Variants in SLIT2 observed in about 807,000 individuals in gnomAD.
SLIT2 encodes the protein slit homolog 2 protein.
A neutral mutation model predicts 185.7 loss-of-function variants in SLIT2; 41 were observed. The observed-to-expected ratio is 0.22, with a 90% CI of 0.17 to 0.29. The LOEUF is 0.29. Among genes scored for constraint, SLIT2 ranks in the 10% least tolerant of loss-of-function variants. SLIT2 has a pLI of 1.00. For synonymous variants in SLIT2, 693 were observed against 680.2 expected (o/e 1.02, Z -0.29); for missense variants, 1,571 against 1,909.0 (o/e 0.82, Z 3.30).
intron 26 of SLIT2, among the ~76,000 whole-genome samples, chr4:20,566,669 A>AT (rs1560200456): frequency 6.6e-6 from 1 of 152,026 alleles, no homozygotes. Context: ...AAACCGAATC[A>AT]AAAGGAAATG....
At chr4:20,423,386 G>T (rs1426249769) in intron 4 of SLIT2, among the ~76,000 whole-genome samples, 2 of 147,618 alleles carry the variant, frequency 1.4e-5, no homozygotes, top group Non-Finnish European at 3.0e-5. Context: ...CCAAAGTAAA[G>T]AACTTATTAA....
intron 4 of SLIT2, among the ~76,000 whole-genome samples, chr4:20,464,288 T>A (rs1362010178): frequency 6.6e-6 from 1 of 152,160 alleles, no homozygotes; most frequent in African/African-American, 2.4e-5. Context: ...GCCAGTTTAG[T>A]TAATCTAAGG....
chr4:20,473,077 A>G (rs1299165267), intron 5 of SLIT2, among the ~76,000 whole-genome samples: 2 of 151,948 alleles, frequency 1.3e-5, no homozygotes, highest in Admixed American at 1.3e-4. Context: ...CAAAAAGGAC[A>G]TATTTTAAAT....
intron 4 of SLIT2, among the ~76,000 whole-genome samples, chr4:20,336,624 TA>T (rs1720520866): frequency 6.6e-6 from 1 of 152,116 alleles, no homozygotes; most frequent in Admixed American, 6.5e-5. Flanking sequence ...GGCACATGTA[TA>T]CATATGTAAC....
Position 20,539,408 on chromosome 4 carries a change from G to A in SLIT2, c.1833-33G>A, listed in dbSNP as rs778002156. On this transcript the variant is annotated intron_variant, in intron 18 of 36. Transcript: ENST00000504154. ...GGCAAAATTGATTGCCTGATGCTTTGTCTCCATAACAATGTCCTTTTTTTC... is the reference window on the plus strand; with the variant it reads ...GGCAAAATTGATTGCCTGATGCTTTATCTCCATAACAATGTCCTTTTTTTC... 3 of 1,591,388 alleles carry A rather than the reference G, an allele frequency of 1.9e-6. No individual in the cohort carries two copies. The South Asian group carries it at 3.5e-5, about 18-fold the overall frequency.
chr4:20,324,659 G>C (rs556840252), intron 4 of SLIT2, among the ~76,000 whole-genome samples: 1 of 152,128 alleles, frequency 6.6e-6, no homozygotes, highest in East Asian at 1.9e-4. Context: ...ATAACTATGT[G>C]ATGTAGTTCG....
chr4:20,358,592 C>T (rs977370113), intron 4 of SLIT2, among the ~76,000 whole-genome samples: 2 of 152,042 alleles, frequency 1.3e-5, no homozygotes, highest in Non-Finnish European at 2.9e-5. Flanking sequence ...AGGTGCTTTA[C>T]ATATTTTATC....
intron 30 of SLIT2, among the ~76,000 whole-genome samples, chr4:20,593,273 G>A (rs544105306): frequency 6.6e-6 from 1 of 152,152 alleles, no homozygotes; most frequent in Non-Finnish European, 1.5e-5. Context: ...AACCTGTGAG[G>A]TGGAATTATA....
chr4:20,600,591 CT>C (rs545279776), intron 33 of SLIT2, among the ~76,000 whole-genome samples: 352 of 151,560 alleles, frequency 2.3e-3, no homozygotes, highest in Non-Finnish European at 3.8e-3. Flanking sequence ...CCTGGCTAAT[CT>C]TTTTTGTATT....
chr4:20,508,182 G>A (rs1719375436), intron 9 of SLIT2, among the ~76,000 whole-genome samples: 1 of 151,850 alleles, frequency 6.6e-6, no homozygotes, highest in South Asian at 2.1e-4. Flanking sequence ...CCACCTATTA[G>A]GAGCCAAAAA....
intron 4 of SLIT2, among the ~76,000 whole-genome samples, chr4:20,436,506 C>A (rs577404905): frequency 6.6e-6 from 1 of 152,284 alleles, no homozygotes; most frequent in Non-Finnish European, 1.5e-5. Context: ...ACTTATTACC[C>A]AGAGTGGCTT....
At chr4:20,279,746 A>G (rs1714535543) in intron 4 of SLIT2, among the ~76,000 whole-genome samples, 1 of 152,310 alleles carries the variant, frequency 6.6e-6, no homozygotes, top group South Asian at 2.1e-4. Flanking sequence ...AATAAGTGGC[A>G]TGTACTTACT....
chr4:20,589,725 C>T lies in SLIT2; in HGVS notation c.3170C>T (p.Pro1057Leu). 1 of 1,613,074 alleles carries T rather than the reference C, an allele frequency of 6.2e-7. No homozygotes were observed. Among genetic ancestry groups the T allele is most frequent in the Non-Finnish European group, 8.5e-7 (1 of 1,179,442 alleles). ...CQHDSKCILTPKGFKCDCTPG... is the reference protein window; with the variant it reads ...CQHDSKCILTLKGFKCDCTPG... ...CACGATTCAAAGTGCATCCTAACTC[C>T]AAAGGGATTCAAGTAAGTCAAAAGC... Residue 1057 changes from proline (P) to leucine (L), a missense_variant, in exon 30 of 37, where the codon CCA becomes CTA. Physicochemically the swap from Pro to Leu is moderately conservative, Grantham distance 98 (BLOSUM62 -3). Coordinates refer to ENST00000504154, the MANE Select transcript of SLIT2 (RefSeq NM_004787.4).
chr4:20,260,295 A>G (rs1712314745), intron 3 of SLIT2, among the ~76,000 whole-genome samples: 1 of 151,772 alleles, frequency 6.6e-6, no homozygotes, highest in South Asian at 2.1e-4. Flanking sequence ...TCAATAAATT[A>G]GCTTTTTATT....
intron 29 of SLIT2, among the ~76,000 whole-genome samples, chr4:20,586,063 T>C (rs1226230699): frequency 6.6e-6 from 1 of 152,190 alleles, no homozygotes; most frequent in Non-Finnish European, 1.5e-5. Flanking sequence ...TGCAGGCCAG[T>C]ATTCATCTAA....
At chr4:20,426,131 GTGGTA>G (rs1728539888) in intron 4 of SLIT2, among the ~76,000 whole-genome samples, 1 of 152,122 alleles carries the variant, frequency 6.6e-6, no homozygotes, top group African/African-American at 2.4e-5. Flanking sequence ...AGTGTGTAGT[GTGGTA>G]CCTAACACAT....
chr4:20,618,819 G>T lies in SLIT2; in HGVS notation c.4400G>T (p.Gly1467Val), dbSNP rs199828775. 850 of 1,613,824 alleles carry T rather than the reference G, an allele frequency of 5.3e-4. No individual in the cohort carries two copies. Among genetic ancestry groups the T allele is most frequent in the Non-Finnish European group, 6.7e-4 (790 of 1,179,846 alleles). The change falls in exon 37 of 37, where the codon GGC (glycine) becomes GTC (valine). Residue 1467 changes from glycine (G) to valine (V), a missense_variant. Gly to Val is a moderately radical substitution (Grantham distance 109). Coordinates refer to ENST00000504154, the MANE Select transcript of SLIT2 (RefSeq NM_004787.4). The stretch of plus-strand genomic sequence containing the variant: ...AGAGATTATTACCAAAAGCAGCAGG[G>T]CTATGCTGCTTGCCAAACAACCAAG... ...RIRDYYQKQQ[G>V]YAACQTTKKV...
At chr4:20,464,670 T>G (rs1714145490) in intron 4 of SLIT2, among the ~76,000 whole-genome samples, 2 of 152,164 alleles carry the variant, frequency 1.3e-5, no homozygotes, top group Non-Finnish European at 2.9e-5. Context: ...TTGTACCCTC[T>G]TAGGAAACCA....
At chr4:20,512,420 A>G (rs1719838817) in intron 11 of SLIT2, among the ~76,000 whole-genome samples, 1 of 152,244 alleles carries the variant, frequency 6.6e-6, no homozygotes, top group Non-Finnish European at 1.5e-5. Context: ...AGGAAAATGG[A>G]AAACTGTTAC....
Sources: gnomAD v4.1 joint callset for allele counts (sites outside exome capture counted in the v4.1 genomes callset) on GRCh38, gnomAD v4.1.1 for gene constraint, MANE v1.5 for transcripts, NCBI Gene and HGNC (gene_info 2026-07-23, HGNC 2026-07-21) for gene names.